Variants in LRRC37A2 observed in about 807,000 individuals in gnomAD.
The protein encoded by LRRC37A2 is leucine-rich repeat-containing protein 37A2.
In LRRC37A2, 9 loss-of-function variants were observed where a neutral mutation model predicts 68.8. That is an observed-to-expected ratio of 0.13 (90% CI 0.08 to 0.23). The LOEUF (loss-of-function observed/expected upper bound fraction) is 0.23, where lower values mean the gene tolerates loss of function less well. LRRC37A2 is among the 10% of genes least tolerant of loss of function. LRRC37A2 has a pLI of 1.00. For synonymous variants in LRRC37A2, 63 were observed against 367.6 expected, an observed-to-expected ratio of 0.17 and a Z score of 9.48; for missense variants, 168 against 950.4, an observed-to-expected ratio of 0.18 and a Z score of 10.82.
chr17:47,020,517 C>G, the LRRC37A2 span, among the ~76,000 whole-genome samples: 1 of 150,974 alleles, frequency 6.6e-6, no homozygotes, highest in Non-Finnish European at 1.5e-5. Flanking sequence ...TGGTGGCTCA[C>G]GCCTGTAATC....
the LRRC37A2 span, among the ~76,000 whole-genome samples, chr17:46,884,237 G>A: frequency 6.6e-6 from 1 of 152,200 alleles, no homozygotes; most frequent in Non-Finnish European, 1.5e-5. Context: ...CGAGCCCGGG[G>A]TCACCTGACG....
chr17:46,910,656 A>T, the LRRC37A2 span, among the ~76,000 whole-genome samples: 1 of 152,234 alleles, frequency 6.6e-6, no homozygotes, highest in Non-Finnish European at 1.5e-5. Context: ...TGCCAAGAAC[A>T]ATCAAGGCAA....
chr17:46,852,517 G>A, the LRRC37A2 span, among the ~76,000 whole-genome samples: 1 of 151,682 alleles, frequency 6.6e-6, no homozygotes, highest in Non-Finnish European at 1.5e-5. Context: ...TGGGGAGAGA[G>A]CCGGACAGGA....
At chr17:46,784,966 A>T in the LRRC37A2 span, among the ~76,000 whole-genome samples, 1 of 151,416 alleles carries the variant, frequency 6.6e-6, no homozygotes, top group African/African-American at 2.4e-5. Context: ...TTTAGTAGAG[A>T]CGGGGTTTCA....
chr17:47,039,943 T>C, the LRRC37A2 span, among the ~76,000 whole-genome samples: 2 of 151,810 alleles, frequency 1.3e-5, no homozygotes, highest in African/African-American at 2.4e-5. Flanking sequence ...TAATGTGCCA[T>C]TGAGAACCTC....
chr17:46,946,120 A>G, the LRRC37A2 span, among the ~76,000 whole-genome samples: 2 of 151,982 alleles, frequency 1.3e-5, no homozygotes, highest in Non-Finnish European at 2.9e-5. Flanking sequence ...GTCGTCACTC[A>G]CTTGGAGGAA....
the LRRC37A2 span, chr17:46,964,351 C>A: frequency 6.6e-6 from 1 of 152,446 alleles, no homozygotes; most frequent in East Asian, 1.9e-4. Context: ...CAGCTGCAAA[C>A]AGATTTCTAG....
At chr17:46,768,195 TTG>T in the LRRC37A2 span, 3 of 1,463,702 alleles carry the variant, frequency 2.0e-6, no homozygotes, top group South Asian at 1.2e-5. This position sits in a 1 kb window ranked among gnomAD's most constrained non-coding sequence, Gnocchi z 5.0. Flanking sequence ...CTGTGGGAAC[TTG>T]TGTGTCTTGG....
At chr17:47,022,168 C>CT in the LRRC37A2 span, among the ~76,000 whole-genome samples, 1,139 of 19,718 alleles carry the variant, frequency 0.058, 278 homozygotes, top group African/African-American at 0.1. Context: ...TTTTTGTTCT[C>CT]TTTTTTTTTT....
At chr17:46,811,963 A>G in the LRRC37A2 span, among the ~76,000 whole-genome samples, 1 of 152,104 alleles carries the variant, frequency 6.6e-6, no homozygotes, top group Non-Finnish European at 1.5e-5. Context: ...TTTCAAGAAA[A>G]AAAGAAAGAA....
the LRRC37A2 span, among the ~76,000 whole-genome samples, chr17:46,882,342 T>A: frequency 6.6e-6 from 1 of 152,194 alleles, no homozygotes; most frequent in Non-Finnish European, 1.5e-5. Context: ...GTGGAATACC[T>A]CTCAACTGAG....
chr17:46,793,432 T>C, the LRRC37A2 span, among the ~76,000 whole-genome samples: 1 of 152,070 alleles, frequency 6.6e-6, no homozygotes, highest in Admixed American at 6.6e-5. Context: ...CCCTGTAAAT[T>C]CAAATGCTGG....
the LRRC37A2 span, among the ~76,000 whole-genome samples, chr17:46,787,920 C>T: frequency 6.6e-6 from 1 of 150,520 alleles, no homozygotes; most frequent in Non-Finnish European, 1.5e-5. Flanking sequence ...TGTGCCACTG[C>T]ACTCCAGCCT....
At chr17:46,684,365 C>T in the LRRC37A2 span, among the ~76,000 whole-genome samples, 1 of 148,798 alleles carries the variant, frequency 6.7e-6, no homozygotes, top group Non-Finnish European at 1.5e-5. Context: ...TCTAGTCTAT[C>T]GTTGATGGGC....
chr17:46,981,544 A>G, the LRRC37A2 span, among the ~76,000 whole-genome samples: 1 of 152,112 alleles, frequency 6.6e-6, no homozygotes, highest in Non-Finnish European at 1.5e-5. Context: ...CAGCTCCTAG[A>G]CTGTGAGAAA....
the LRRC37A2 span, among the ~76,000 whole-genome samples, chr17:46,989,203 G>C: frequency 6.6e-6 from 1 of 152,158 alleles, no homozygotes; most frequent in Non-Finnish European, 1.5e-5. Context: ...CGTGTTGTAG[G>C]GACTCCTGTC....
chr17:46,875,203 A>C, the LRRC37A2 span: 1 of 1,614,114 alleles, frequency 6.2e-7, no homozygotes. Flanking sequence ...TGCACCTGTG[A>C]TGACTCTCCG....
chr17:46,802,080 A>T, the LRRC37A2 span, among the ~76,000 whole-genome samples: 1 of 152,188 alleles, frequency 6.6e-6, no homozygotes, highest in Non-Finnish European at 1.5e-5. Context: ...GTGATATTAT[A>T]AAATATATAT....
the LRRC37A2 span, chr17:47,021,904 C>T: frequency 6.6e-7 from 1 of 1,524,192 alleles, no homozygotes; most frequent in South Asian, 1.1e-5. Flanking sequence ...GGAAAGTGTA[C>T]AGTTGGACCG....
Sources: gnomAD v4.1 joint callset for allele counts (sites outside exome capture counted in the v4.1 genomes callset) on GRCh38, gnomAD v4.1.1 for gene constraint, Gnocchi (gnomAD v3.1) non-coding constraint, MANE v1.5 for transcripts, NCBI Gene and HGNC (gene_info 2026-07-23, HGNC 2026-07-21) for gene names.